The following SIM1 variants were observed in gnomAD, a reference collection of about 807,000 sequenced individuals.
SIM1 encodes the protein SIM bHLH transcription factor 1.
A neutral mutation model predicts 78.2 loss-of-function variants in SIM1; 18 were observed. The observed-to-expected ratio is 0.23, with a 90% CI of 0.16 to 0.34. SIM1 has a LOEUF of 0.34. Among genes scored for constraint, SIM1 ranks in the 10% least tolerant of loss-of-function variants. The probability of loss-of-function intolerance (pLI) is 1.00; values close to 1 mark genes in which losing one functional copy is unlikely to be tolerated. For synonymous variants in SIM1, 417 were observed against 385.2 expected, an observed-to-expected ratio of 1.08 and a Z score of -0.97; for missense variants, 939 against 975.1, an observed-to-expected ratio of 0.96 and a Z score of 0.49.
chr6:100,421,017 A>G, intron 9 of SIM1, 59 bp from the exon 10 acceptor site: 1 of 1,539,390 alleles, frequency 6.5e-7, no homozygotes, highest in Non-Finnish European at 8.8e-7. Context: ...ATTCATGCAT[A>G]CTCTCATCAG....
At chr6:100,400,323 T>A (rs1770880867) in intron 10 of SIM1, among the ~76,000 whole-genome samples, 1 of 151,968 alleles carries the variant, frequency 6.6e-6, no homozygotes, top group African/African-American at 2.4e-5. Context: ...TTGATGTAGA[T>A]GCCCAATCAT....
chr6:100,453,683 G>A lies in SIM1; in HGVS notation c.258+79C>T, dbSNP rs534884839. ...TGTTTTTTTTTTGTTTTTGTTTTCT[G>A]AGAAACTAAAAGCTCAACTCAGGGC... is the stretch of plus-strand genomic sequence containing the variant. On this transcript the variant is annotated intron_variant, in intron 3 of 11. Coordinates refer to ENST00000369208, the MANE Select transcript of SIM1 (RefSeq NM_005068.3). The A allele has an allele frequency of 7.6e-5, 68 of 895,440 alleles. No homozygotes were observed. The African/African-American group carries it at 1.1e-3, about 14-fold the overall frequency. The allele number at this position is 895,440 out of a possible 1,614,324, so 55.5% of individuals were successfully genotyped here.
At chr6:100,461,841 C>CTTTTTTTTTTTTTTTTTTT (rs10522700) in intron 2 of SIM1, among the ~76,000 whole-genome samples, 11 of 113,338 alleles carry the variant, frequency 9.7e-5, no homozygotes, top group Non-Finnish European at 1.4e-4. Flanking sequence ...TTCTTTCTTT[C>CTTTTTTTTTTTTTTTTTTT]TTTTTTTTTT....
At chr6:100,414,228 A>G (rs1296613385) in intron 10 of SIM1, among the ~76,000 whole-genome samples, 1 of 152,228 alleles carries the variant, frequency 6.6e-6, no homozygotes, top group Non-Finnish European at 1.5e-5. Context: ...ATATGCCAAG[A>G]GAATAAAAGG....
At chr6:100,410,653 G>A (rs777326561) in intron 10 of SIM1, among the ~76,000 whole-genome samples, 1 of 152,222 alleles carries the variant, frequency 6.6e-6, no homozygotes, top group Non-Finnish European at 1.5e-5. Context: ...GGAGTGGGTA[G>A]AGTGAGGCAG....
intron 3 of SIM1, 135 bp downstream of exon 3, chr6:100,453,627 C>A: frequency 1.4e-6 from 1 of 702,754 alleles, no homozygotes; most frequent in East Asian, 2.9e-5. Context: ...CACGTGCAGT[C>A]CGGATCCCTG....
intron 2 of SIM1, among the ~76,000 whole-genome samples, chr6:100,461,113 T>C (rs1197826568): frequency 6.6e-6 from 1 of 152,078 alleles, no homozygotes; most frequent in Non-Finnish European, 1.5e-5. Flanking sequence ...GAAAGCACAG[T>C]CACTGTTAAA....
chr6:100,461,638 G>T (rs1269451326), intron 2 of SIM1, among the ~76,000 whole-genome samples: 1 of 152,172 alleles, frequency 6.6e-6, no homozygotes, highest in East Asian at 1.9e-4. Context: ...GGAACAGTGC[G>T]GCCAGCGGAG....
At chr6:100,431,780 A>T (rs568618943) in intron 9 of SIM1, among the ~76,000 whole-genome samples, 88 of 152,298 alleles carry the variant, frequency 5.8e-4, no homozygotes, top group South Asian at 1.9e-3. Context: ...CATGACGAAG[A>T]TGTCTCAATA....
chr6:100,433,662 G>C (rs1303322862), intron 9 of SIM1, among the ~76,000 whole-genome samples: 2 of 151,914 alleles, frequency 1.3e-5, no homozygotes, highest in African/African-American at 4.8e-5. Flanking sequence ...TTTTGAGCCT[G>C]GGAGGTCGAG....
rs1363075215 is a variant in SIM1, at chr6:100,412,639, A to AG, written c.1167+8150_1167+8151insC. Among the ~76,000 whole-genome samples the AG allele has an allele frequency of 1.2e-4, 13 of 111,000 alleles. 1 individual carries two copies. Among genetic ancestry groups the AG allele is most frequent in the African/African-American group, 4.2e-4 (12 of 28,672 alleles). 72.8% of individuals were successfully genotyped at this position (111,000 alleles called of 152,430 possible). On this transcript the variant is annotated intron_variant, in intron 10 of 11. Coordinates refer to ENST00000369208, the MANE Select transcript of SIM1 (RefSeq NM_005068.3). ...AAGAAAGAAGGAAAGAAAGAAAGAA[A>AG]AGAAAGAAAGAAAGAAAGAGAGAGA...
At chr6:100,408,171 T>C (rs1039250284) in intron 10 of SIM1, among the ~76,000 whole-genome samples, 10 of 152,208 alleles carry the variant, frequency 6.6e-5, no homozygotes, top group Admixed American at 3.3e-4. Context: ...TATGTAGATA[T>C]CTGGTTTTCC....
At chr6:100,442,273 A>G (rs765090028) in intron 9 of SIM1, among the ~76,000 whole-genome samples, 1 of 152,206 alleles carries the variant, frequency 6.6e-6, no homozygotes, top group African/African-American at 2.4e-5. Flanking sequence ...GAAGAATAAG[A>G]TTATTTAAGT....
intron 2 of SIM1, among the ~76,000 whole-genome samples, chr6:100,462,105 A>G (rs367644311): frequency 6.6e-6 from 1 of 152,152 alleles, no homozygotes; most frequent in East Asian, 1.9e-4. Flanking sequence ...ATGATCAAGC[A>G]AAGTGAAACT....
intron 2 of SIM1, 100 bp from the exon 3 acceptor site, chr6:100,453,944 T>G (rs1281422948): frequency 3.9e-6 from 3 of 770,354 alleles, no homozygotes; most frequent in Non-Finnish European, 6.2e-6. Context: ...CCGGCCCCTT[T>G]GACTGGATAC....
At chr6:100,455,751 C>A (rs889281583) in intron 2 of SIM1, among the ~76,000 whole-genome samples, 15 of 152,202 alleles carry the variant, frequency 9.9e-5, no homozygotes, top group Admixed American at 1.3e-4. Flanking sequence ...CGACTGGGGA[C>A]AGGTCTCGCG....
intron 9 of SIM1, among the ~76,000 whole-genome samples, chr6:100,431,640 T>C (rs990753390): frequency 2.0e-5 from 3 of 152,158 alleles, no homozygotes; most frequent in Non-Finnish European, 4.4e-5. Context: ...ATTGTCTCTA[T>C]CCTTGAAGTC....
intron 11 of SIM1, 147 bp from the exon 12 acceptor site, chr6:100,391,238 CA>C: frequency 1.1e-5 from 9 of 808,750 alleles, no homozygotes; most frequent in Non-Finnish European, 1.7e-5. Flanking sequence ...GATGTGAGCA[CA>C]TGAGTGACAC....
At chr6:100,437,674 C>A (rs138897232) in intron 9 of SIM1, among the ~76,000 whole-genome samples, 1 of 152,136 alleles carries the variant, frequency 6.6e-6, no homozygotes. Flanking sequence ...CTCCCTGGCA[C>A]GAAGAAGGTG....
Sources: allele counts gnomAD v4.1 joint callset (sites outside exome capture counted in the v4.1 genomes callset), GRCh38; gene constraint gnomAD v4.1.1; transcripts MANE v1.5; gene names NCBI Gene and HGNC (gene_info 2026-07-23, HGNC 2026-07-21).